LRRC74A: variants seen among roughly 807,000 people sequenced by gnomAD.
The protein encoded by LRRC74A is leucine rich repeat containing 74A, also known as leucine-rich repeat-containing protein 74A.
In LRRC74A, 44 loss-of-function variants were observed where a neutral mutation model predicts 57.9. The ratio of observed to expected loss-of-function variants is 0.76; its 90% CI spans 0.60 to 0.98. The LOEUF (loss-of-function observed/expected upper bound fraction) is 0.98, where lower values mean the gene tolerates loss of function less well. LRRC74A is among the 50% of genes least tolerant of loss of function. The pLI is 0.00. For synonymous variants in LRRC74A, 211 were observed against 219.4 expected (o/e 0.96, Z 0.34); for missense variants, 572 against 574.0 (o/e 1.00, Z 0.04).
intron 10 of LRRC74A, among the ~76,000 whole-genome samples, chr14:76,858,380 C>T (rs1439116723): frequency 2.0e-5 from 3 of 152,178 alleles, no homozygotes; most frequent in African/African-American, 7.2e-5. Context: ...ATGGCATTCT[C>T]CCTATCTCTG....
chr14:76,866,855 G>C, intron 12 of LRRC74A, among the ~76,000 whole-genome samples: 1 of 149,914 alleles, frequency 6.7e-6, no homozygotes, highest in Non-Finnish European at 1.5e-5. Flanking sequence ...TGTGGAATCA[G>C]TTTCCCCTGA....
At chr14:76,862,572 T>C (rs1296850005) in intron 11 of LRRC74A, among the ~76,000 whole-genome samples, 2 of 149,794 alleles carry the variant, frequency 1.3e-5, no homozygotes, top group Non-Finnish European at 3.0e-5. Context: ...AAATAATAAA[T>C]AAGTGACAGA....
At chr14:76,848,857 G>A (rs1205971335) in intron 7 of LRRC74A, among the ~76,000 whole-genome samples, 2 of 152,210 alleles carry the variant, frequency 1.3e-5, no homozygotes, top group Non-Finnish European at 2.9e-5. Context: ...AGGAGGGACA[G>A]TTCATTCATT....
chr14:76,846,517 C>A (rs113222049), intron 7 of LRRC74A, among the ~76,000 whole-genome samples: 1 of 152,142 alleles, frequency 6.6e-6, no homozygotes, highest in South Asian at 2.1e-4. Context: ...AAATAGTCAT[C>A]CCCAGGCAAA....
At chr14:76,856,816 A>G (rs549749470) in intron 9 of LRRC74A, among the ~76,000 whole-genome samples, 1 of 147,648 alleles carries the variant, frequency 6.8e-6, no homozygotes, top group African/African-American at 2.5e-5. Context: ...GGATGGATGG[A>G]TGCATGGATG....
chr14:76,833,826 T>C (rs759949893), intron 3 of LRRC74A, among the ~76,000 whole-genome samples: 2 of 152,190 alleles, frequency 1.3e-5, no homozygotes, highest in Non-Finnish European at 2.9e-5. Context: ...GCCTAATTTG[T>C]GAATTAAACT....
intron 11 of LRRC74A, among the ~76,000 whole-genome samples, chr14:76,864,169 T>C (rs537008317): frequency 4.1e-4 from 63 of 151,854 alleles, no homozygotes; most frequent in African/African-American, 1.4e-3. Flanking sequence ...GCACTTTGGA[T>C]GTGTTGATTG....
At chr14:76,861,324 G>A (rs1255876035) in intron 11 of LRRC74A, among the ~76,000 whole-genome samples, 1 of 152,206 alleles carries the variant, frequency 6.6e-6, no homozygotes, top group Non-Finnish European at 1.5e-5. Flanking sequence ...TGCTGGTAAG[G>A]ATATCAAGAC....
intron 7 of LRRC74A, among the ~76,000 whole-genome samples, chr14:76,848,933 A>G: frequency 6.6e-6 from 1 of 152,158 alleles, no homozygotes; most frequent in East Asian, 1.9e-4. Flanking sequence ...GTGGCATTTG[A>G]AGCCTGTCAT....
intron 7 of LRRC74A, among the ~76,000 whole-genome samples, chr14:76,849,556 CT>C (rs1285458435): frequency 2.6e-5 from 4 of 151,848 alleles, no homozygotes; most frequent in Admixed American, 2.6e-4. Flanking sequence ...AATCCCAACA[CT>C]TTCGGAGGCC....
At chr14:76,864,941 T>C (rs1898660389) in intron 11 of LRRC74A, among the ~76,000 whole-genome samples, 1 of 152,224 alleles carries the variant, frequency 6.6e-6, no homozygotes, top group Admixed American at 6.5e-5. Context: ...AAACAATAGG[T>C]TTAGTAGAAA....
intron 7 of LRRC74A, among the ~76,000 whole-genome samples, chr14:76,845,546 G>A (rs551105316): frequency 4.6e-5 from 7 of 152,264 alleles, no homozygotes; most frequent in African/African-American, 1.7e-4. Flanking sequence ...TGGGTACTAT[G>A]CTTATTACCT....
chr14:76,859,169 A>G (rs2140305016), intron 10 of LRRC74A, among the ~76,000 whole-genome samples: 1 of 151,890 alleles, frequency 6.6e-6, no homozygotes, highest in South Asian at 2.1e-4. Context: ...TGGCATCTGT[A>G]TTTCCCTCTC....
chr14:76,860,566 C>A, intron 10 of LRRC74A, 127 bp from the exon 11 acceptor site: 1 of 910,600 alleles, frequency 1.1e-6, no homozygotes, highest in Non-Finnish European at 1.6e-6. Flanking sequence ...AGGAGCAGCA[C>A]TGAGAACAAA....
chr14:76,833,054 A>T lies in LRRC74A; in HGVS notation c.339+1679A>T, dbSNP rs11846207. Among the ~76,000 whole-genome samples, 361 of 152,328 alleles carry T rather than the reference A, an allele frequency of 2.4e-3. 5 individuals are homozygous for T. The highest frequency in any genetic ancestry group is 8.4e-3 in the African/African-American group (348 of 41,576). On this transcript the variant is annotated intron_variant, in intron 3 of 13. Transcript: ENST00000689127. ...AGGACTGAGAAATAATTCTTTAAAAATATTATTTATAAAGGATCTGAAAGA... is the reference window on the plus strand; with the variant it reads ...AGGACTGAGAAATAATTCTTTAAAATTATTATTTATAAAGGATCTGAAAGA...
chr14:76,856,070 C>T (rs1897854349), intron 9 of LRRC74A, among the ~76,000 whole-genome samples: 1 of 152,232 alleles, frequency 6.6e-6, no homozygotes, highest in Non-Finnish European at 1.5e-5. Flanking sequence ...TTCTCCAAGC[C>T]TATAAGGTTC....
intron 5 of LRRC74A, among the ~76,000 whole-genome samples, chr14:76,839,187 AT>A (rs1366178720): frequency 6.6e-6 from 1 of 151,986 alleles, no homozygotes; most frequent in African/African-American, 2.4e-5. Flanking sequence ...ATGTTCTTGT[AT>A]TTCTAGATCG....
At chr14:76,835,898 G>A (rs1317157268) in intron 3 of LRRC74A, among the ~76,000 whole-genome samples, 1 of 152,138 alleles carries the variant, frequency 6.6e-6, no homozygotes, top group Non-Finnish European at 1.5e-5. Flanking sequence ...CTTGGAGTAG[G>A]TCACAGTTCT....
chr14:76,844,834 T>TA lies in LRRC74A; in HGVS notation c.614dup (p.Leu206AlafsTer10). 1 of 1,580,196 alleles carries TA rather than the reference T, an allele frequency of 6.3e-7. No individual in the cohort carries two copies. The highest frequency in any genetic ancestry group is 8.7e-7 in the Non-Finnish European group (1 of 1,149,426). On this transcript the variant is annotated frameshift_variant, in exon 7 of 14. Transcript: ENST00000689127. LOFTEE classifies it high-confidence loss of function. ...TGTTTCTGTAGACCAATTACCAAAT[T>TA]AAAAAGCTGGATCTCAGTCACAACC...
Sources: allele counts gnomAD v4.1 joint callset (sites outside exome capture counted in the v4.1 genomes callset), GRCh38; gene constraint gnomAD v4.1.1; transcripts MANE v1.5; gene names NCBI Gene and HGNC (gene_info 2026-07-23, HGNC 2026-07-21).